XIRP2: variants seen among roughly 807,000 people sequenced by gnomAD.
The protein encoded by XIRP2 is xin actin binding repeat containing 2.
XIRP2 carries 236 observed loss-of-function variants against 277.0 expected under a neutral mutation model. That is an observed-to-expected ratio of 0.85 (90% CI 0.77 to 0.95). XIRP2 has a LOEUF of 0.95. Among genes scored for constraint, XIRP2 ranks in the 40% least tolerant of loss-of-function variants. The pLI is 0.00. For synonymous variants in XIRP2, 1,490 were observed against 1,416.5 expected, an observed-to-expected ratio of 1.05 and a Z score of -1.17; for missense variants, 4,640 against 4,157.5, an observed-to-expected ratio of 1.12 and a Z score of -3.19.
chr2:167,116,427 C>A (rs1169476127), intron 2 of XIRP2, among the ~76,000 whole-genome samples: 1 of 152,118 alleles, frequency 6.6e-6, no homozygotes, highest in East Asian at 1.9e-4. Context: ...GGTCTAAAGT[C>A]TATTTCATCT....
At chr2:166,943,151 A>C (rs1685763871) in intron 2 of XIRP2, among the ~76,000 whole-genome samples, 2 of 152,162 alleles carry the variant, frequency 1.3e-5, no homozygotes, top group Non-Finnish European at 2.9e-5. Flanking sequence ...TTTAGGATTC[A>C]TGTAAGAAAA....
intron 2 of XIRP2, among the ~76,000 whole-genome samples, chr2:166,953,574 G>T (rs1461044205): frequency 6.6e-6 from 1 of 151,800 alleles, no homozygotes; most frequent in Admixed American, 6.6e-5. Flanking sequence ...TGAATTTTTT[G>T]ATTTGATTAA....
At chr2:167,070,484 T>C (rs1441526312) in intron 2 of XIRP2, among the ~76,000 whole-genome samples, 1 of 152,160 alleles carries the variant, frequency 6.6e-6, no homozygotes, top group Non-Finnish European at 1.5e-5. Flanking sequence ...TGTATCTATA[T>C]GCTGAACAGG....
chr2:167,066,468 A>T (rs540094280), intron 2 of XIRP2, among the ~76,000 whole-genome samples: 2 of 152,174 alleles, frequency 1.3e-5, no homozygotes, highest in South Asian at 2.1e-4. Flanking sequence ...AAAAAACAAA[A>T]GATAAATGTT....
intron 2 of XIRP2, among the ~76,000 whole-genome samples, chr2:167,091,749 A>G (rs58401470): frequency 0.097 from 14,694 of 152,094 alleles, 1,427 homozygotes; most frequent in African/African-American, 0.24. Flanking sequence ...ACTATAATTA[A>G]TAATGTTTTC....
At chr2:167,116,499 G>A (rs909992497) in intron 2 of XIRP2, among the ~76,000 whole-genome samples, 1 of 151,462 alleles carries the variant, frequency 6.6e-6, no homozygotes, top group Non-Finnish European at 1.5e-5. Context: ...GTCTTTTTTC[G>A]ACTTATTCTT....
intron 3 of XIRP2, among the ~76,000 whole-genome samples, chr2:167,159,589 T>C (rs73019958): frequency 0.099 from 15,040 of 152,186 alleles, 796 homozygotes; most frequent in South Asian, 0.15. Flanking sequence ...TGGCACCAGG[T>C]TGTTTGGGTC....
At chr2:167,080,331 G>T (rs1308811125) in intron 2 of XIRP2, among the ~76,000 whole-genome samples, 1 of 152,196 alleles carries the variant, frequency 6.6e-6, no homozygotes, top group Non-Finnish European at 1.5e-5. Flanking sequence ...AAAAATCCCA[G>T]AGAGATAAAA....
intron 6 of XIRP2, among the ~76,000 whole-genome samples, 194 bp from the exon 7 acceptor site, chr2:167,240,470 C>T (rs963361554): frequency 1.3e-5 from 2 of 152,036 alleles, no homozygotes; most frequent in African/African-American, 2.4e-5. Flanking sequence ...GATTCCTCTT[C>T]GGATGTCAAT....
rs775931954 is a variant in XIRP2, at chr2:166,910,672, C to G, written c.408+6782C>G. Reference sequence around the variant, plus strand: ...TCTGCTAGCTTTTGAATGTGTTTGCCCTTCCTTCTCTAGTTCTTTCAATTG... The same window carrying G: ...TCTGCTAGCTTTTGAATGTGTTTGCGCTTCCTTCTCTAGTTCTTTCAATTG... On this transcript the variant is annotated intron_variant, in intron 2 of 10. Coordinates refer to ENST00000409195, the MANE Select transcript of XIRP2 (RefSeq NM_152381.6). Among the ~76,000 whole-genome samples the G allele has an allele frequency of 1.5e-4, 23 of 151,714 alleles. 1 individual carries two copies. Among genetic ancestry groups the G allele is most frequent in the Non-Finnish European group, 2.9e-5 (2 of 67,920 alleles).
intron 3 of XIRP2, among the ~76,000 whole-genome samples, chr2:167,139,295 C>A (rs1365598063): frequency 6.6e-6 from 1 of 152,032 alleles, no homozygotes; most frequent in Non-Finnish European, 1.5e-5. Context: ...TTGAATGGGT[C>A]ATGTTCATCA....
intron 2 of XIRP2, among the ~76,000 whole-genome samples, chr2:167,017,351 A>G (rs375839935): frequency 6.6e-6 from 1 of 151,880 alleles, no homozygotes; most frequent in East Asian, 1.9e-4. Flanking sequence ...GAGAGTCTGA[A>G]CCAAGAAGGT....
chr2:167,203,083 G>T (rs1693767182), intron 3 of XIRP2, among the ~76,000 whole-genome samples: 1 of 152,096 alleles, frequency 6.6e-6, no homozygotes, highest in African/African-American at 2.4e-5. Context: ...GAACCCACTT[G>T]GATAACCTAG....
intron 5 of XIRP2, among the ~76,000 whole-genome samples, chr2:167,225,354 A>G (rs926207309): frequency 6.6e-6 from 1 of 152,180 alleles, no homozygotes; most frequent in African/African-American, 2.4e-5. Flanking sequence ...TGAGTGTTGC[A>G]TATGTGGTTT....
intron 2 of XIRP2, among the ~76,000 whole-genome samples, chr2:167,040,716 C>G (rs1688638796): frequency 6.6e-6 from 1 of 152,196 alleles, no homozygotes; most frequent in Non-Finnish European, 1.5e-5. Context: ...CTTAGCACCC[C>G]TCTACCAGGG....
intron 3 of XIRP2, among the ~76,000 whole-genome samples, chr2:167,186,367 A>C (rs1693155055): frequency 6.6e-6 from 1 of 152,216 alleles, no homozygotes. Context: ...ATTAGTAAGT[A>C]TTATAGTAAA....
At chr2:166,919,531 G>A (rs1684981305) in intron 2 of XIRP2, among the ~76,000 whole-genome samples, 1 of 152,128 alleles carries the variant, frequency 6.6e-6, no homozygotes, top group African/African-American at 2.4e-5. Context: ...TGATTTCAAT[G>A]TCGATTAGAT....
At chr2:167,032,345 C>T (rs557058222) in intron 2 of XIRP2, among the ~76,000 whole-genome samples, 3 of 152,124 alleles carry the variant, frequency 2.0e-5, no homozygotes. Flanking sequence ...CCATAAAAAC[C>T]CTAGAAGAAA....
intron 2 of XIRP2, among the ~76,000 whole-genome samples, chr2:167,023,798 C>G (rs1457518945): frequency 2.0e-5 from 3 of 152,060 alleles, no homozygotes; most frequent in African/African-American, 7.2e-5. Flanking sequence ...GGGATCTGTT[C>G]TGTTCCATTG....
Sources: allele counts gnomAD v4.1 joint callset (sites outside exome capture counted in the v4.1 genomes callset), GRCh38; gene constraint gnomAD v4.1.1; transcripts MANE v1.5; gene names NCBI Gene and HGNC (gene_info 2026-07-23, HGNC 2026-07-21).